Variants in USP40 observed in about 807,000 individuals in gnomAD.
USP40 encodes the protein ubiquitin carboxyl-terminal hydrolase 40.
USP40 carries 143 observed loss-of-function variants against 166.2 expected under a neutral mutation model. That is an observed-to-expected ratio of 0.86 (90% CI 0.75 to 0.99). The LOEUF is 0.99. USP40 is among the 50% of genes least tolerant of loss of function. USP40 has a pLI of 0.00. For missense variants in USP40, 1,444 were observed against 1,479.7 expected (o/e 0.98, Z 0.40); for synonymous variants, 498 against 524.0 (o/e 0.95, Z 0.68).
In USP40 at chr2:233,475,802, A is replaced by C. The variant is rs1200344348; in HGVS notation, c.*1590T>G. Reference sequence around the variant, plus strand: ...CATTACGCTGAGATGAGATGAAGGCAGATGCTACAGAAATATGTCAGTTAA... The same window carrying C: ...CATTACGCTGAGATGAGATGAAGGCCGATGCTACAGAAATATGTCAGTTAA... On this transcript the variant is annotated 3_prime_UTR_variant, in exon 32 of 32. Coordinates refer to ENST00000678225, the MANE Select transcript of USP40 (RefSeq NM_001365479.2). The C allele has an allele frequency of 3.3e-5, 5 of 152,534 alleles. No homozygotes were observed. Among genetic ancestry groups the C allele is most frequent in the African/African-American group, 1.2e-4 (5 of 41,596 alleles). The allele number at this position is 152,534 out of a possible 1,614,324, so 9.4% of individuals were successfully genotyped here. A position where few individuals can be genotyped will look rare whatever the true frequency, so the allele number is the denominator to read the frequency against.
intron 21 of USP40, among the ~76,000 whole-genome samples, chr2:233,504,247 CA>C (rs2066263545): frequency 6.6e-6 from 1 of 151,886 alleles, no homozygotes; most frequent in South Asian, 2.1e-4. Flanking sequence ...AAAAGATCTA[CA>C]AAACAACCAG....
chr2:233,478,536 C>T (rs1461501752), intron 31 of USP40, among the ~76,000 whole-genome samples: 1 of 152,154 alleles, frequency 6.6e-6, no homozygotes, highest in Non-Finnish European at 1.5e-5. Context: ...TTCTTATTTG[C>T]AGATAATGTT....
chr2:233,554,310 T>G lies in USP40; in HGVS notation c.693+70A>C. The stretch of plus-strand genomic sequence containing the variant: ...CAGCTTCAAGTATATCCTCGAGACT[T>G]TTTCATACAAGTTGACTTGTACTAA... On this transcript the variant is annotated intron_variant, in intron 6 of 31. Coordinates refer to ENST00000678225, the MANE Select transcript of USP40 (RefSeq NM_001365479.2). The G allele has an allele frequency of 5.6e-6, 8 of 1,438,132 alleles. No homozygotes were observed. The South Asian group carries it at 1.0e-4, about 18-fold the overall frequency. The allele number at this position is 1,438,132 out of a possible 1,614,324, so 89.1% of individuals were successfully genotyped here. A position where few individuals can be genotyped will look rare whatever the true frequency, so the allele number is the denominator to read the frequency against.
At chr2:233,555,230 T>C (rs1026446056) in intron 5 of USP40, among the ~76,000 whole-genome samples, 39 of 152,198 alleles carry the variant, frequency 2.6e-4, no homozygotes, top group African/African-American at 9.2e-4. Flanking sequence ...TAAGAAGGTC[T>C]TCCTATGAAA....
At chr2:233,549,274 T>C (rs375802006) in intron 7 of USP40, 45 bp from the exon 8 acceptor site, 171 of 1,165,658 alleles carry the variant, frequency 1.5e-4, no homozygotes, top group Non-Finnish European at 1.8e-4. Context: ...TTTCATAAAA[T>C]GCTGATAATA....
At chr2:233,551,605 C>A (rs1242206941) in intron 6 of USP40, 86 bp from the exon 7 acceptor site, 1 of 1,273,996 alleles carries the variant, frequency 7.8e-7, no homozygotes, top group Admixed American at 2.8e-5. Context: ...GAAAAAACAA[C>A]CTATGACACA....
intron 3 of USP40, 30 bp from the exon 4 acceptor site, chr2:233,559,954 G>A (rs776553739): frequency 1.3e-6 from 2 of 1,525,966 alleles, no homozygotes; most frequent in South Asian, 2.4e-5. Context: ...ATTTCTAAAT[G>A]AATTCTTTAA....
intron 6 of USP40, among the ~76,000 whole-genome samples, chr2:233,552,154 T>C (rs1276619611): frequency 1.3e-5 from 2 of 150,626 alleles, no homozygotes; most frequent in African/African-American, 4.9e-5. Flanking sequence ...ATCATATATA[T>C]CTAACAGTGC....
Position 233,542,390 on chromosome 2 carries a change from T to C in USP40, c.967-27A>G, listed in dbSNP as rs372448712. 147 of 1,349,232 alleles carry C rather than the reference T, an allele frequency of 1.1e-4. 1 individual carries two copies. Among genetic ancestry groups the C allele is most frequent in the Non-Finnish European group, 1.4e-4 (136 of 974,220 alleles). The allele number at this position is 1,349,232 out of a possible 1,614,324, so 83.6% of individuals were successfully genotyped here. ...TAGGAAGGAAAACAGTATGAGTTTCTATCACTAACCCCTTAAAAAGTAACA... is the reference window on the plus strand; with the variant it reads ...TAGGAAGGAAAACAGTATGAGTTTCCATCACTAACCCCTTAAAAAGTAACA... On this transcript the variant is annotated intron_variant, in intron 8 of 31. Coordinates refer to ENST00000678225, the MANE Select transcript of USP40 (RefSeq NM_001365479.2).
intron 31 of USP40, among the ~76,000 whole-genome samples, chr2:233,478,968 C>G (rs994022978): frequency 6.6e-6 from 1 of 151,630 alleles, no homozygotes; most frequent in Non-Finnish European, 1.5e-5. Flanking sequence ...TTTGAAAGCA[C>G]GTGACACTAT....
At chr2:233,554,328 T>C (rs147315077) in intron 6 of USP40, 52 bp downstream of exon 6, 638 of 1,519,254 alleles carry the variant, frequency 4.2e-4, no homozygotes, top group Admixed American at 4.1e-3. Flanking sequence ...CAAGTTGACT[T>C]GTACTAACTA....
At chr2:233,557,345 C>G (rs1258976206) in intron 4 of USP40, among the ~76,000 whole-genome samples, 1 of 152,182 alleles carries the variant, frequency 6.6e-6, no homozygotes, top group African/African-American at 2.4e-5. Context: ...AGGCACAGAC[C>G]AGTGTCTAAG....
Position 233,519,585 on chromosome 2 carries a change from A to C in USP40, c.2383+29T>G. Reference sequence around the variant, plus strand: ...TCAAGACCAAAATTAAGCTAAACTAAGAACCGAAAAGAAAATGTAAATGAT... The same window carrying C: ...TCAAGACCAAAATTAAGCTAAACTACGAACCGAAAAGAAAATGTAAATGAT... On this transcript the variant is annotated intron_variant, in intron 18 of 31. Transcript: ENST00000678225. 2.9e-6 allele frequency: 4 copies of C among 1,392,358 alleles called. No homozygotes were observed. The South Asian group carries it at 5.2e-5, about 18-fold the overall frequency. The allele number at this position is 1,392,358 out of a possible 1,614,324, so 86.3% of individuals were successfully genotyped here. A position where few individuals can be genotyped will look rare whatever the true frequency, so the allele number is the denominator to read the frequency against.
chr2:233,540,134 A>C (rs192153010), intron 10 of USP40, among the ~76,000 whole-genome samples: 1,625 of 151,674 alleles, frequency 0.011, 18 homozygotes, highest in African/African-American at 0.026. Flanking sequence ...AAAAAAAAAA[A>C]AAAAACAAAA....
At chr2:233,528,896 G>A (rs557922886) in intron 12 of USP40, among the ~76,000 whole-genome samples, 2 of 152,160 alleles carry the variant, frequency 1.3e-5, no homozygotes, top group African/African-American at 2.4e-5. Context: ...AAAAGAGAAT[G>A]CTGAGATCAT....
Position 233,493,659 on chromosome 2 carries a change from TATC to T in USP40, c.2791-111_2791-109del. 2 of 1,249,862 alleles carry T rather than the reference TATC, an allele frequency of 1.6e-6. No homozygotes were observed. The allele number at this position is 1,249,862 out of a possible 1,614,324, so 77.4% of individuals were successfully genotyped here. A position where few individuals can be genotyped will look rare whatever the true frequency, so the allele number is the denominator to read the frequency against. ...TGATGACCTAAGATGTTCTTGAACT[TATC>T]ATTTTTCCTTTTAGATTTATTAACT... On this transcript the variant is annotated intron_variant, in intron 24 of 31. Transcript: ENST00000678225. The surrounding 1 kb of genome is among the most constrained non-coding windows in gnomAD (Gnocchi z 4.7).
At chr2:233,531,605 C>T (rs757922639) in intron 11 of USP40, among the ~76,000 whole-genome samples, 53 of 152,164 alleles carry the variant, frequency 3.5e-4, no homozygotes, top group Non-Finnish European at 5.6e-4. Context: ...ATTTCCATAT[C>T]TTTTTTTCCT....
chr2:233,565,131 TA>T (rs1309444587), intron 2 of USP40, among the ~76,000 whole-genome samples: 3 of 152,222 alleles, frequency 2.0e-5, no homozygotes, highest in African/African-American at 7.2e-5. Context: ...TATATTGCTT[TA>T]TTTTTTTACT....
At chr2:233,488,003 G>A in intron 28 of USP40, 1 of 675,596 alleles carries the variant, frequency 1.5e-6, no homozygotes, top group African/African-American at 1.8e-5. Flanking sequence ...GGGTCAATAT[G>A]CACCTGGTGA....
Sources: gnomAD v4.1 joint callset for allele counts (sites outside exome capture counted in the v4.1 genomes callset) on GRCh38, gnomAD v4.1.1 for gene constraint, Gnocchi (gnomAD v3.1) non-coding constraint, MANE v1.5 for transcripts, NCBI Gene and HGNC (gene_info 2026-07-23, HGNC 2026-07-21) for gene names.